Variants in PRKAR2A observed in about 807,000 individuals in gnomAD.
The protein encoded by PRKAR2A is cAMP-dependent protein kinase type II-alpha regulatory subunit.
In PRKAR2A, 29 loss-of-function variants were observed where a neutral mutation model predicts 51.9. That is an observed-to-expected ratio of 0.56 (90% CI 0.42 to 0.76). PRKAR2A has a LOEUF of 0.76. Ranked by LOEUF, PRKAR2A falls within the 30% of genes least tolerant of loss-of-function variation. The pLI, the probability that PRKAR2A is intolerant of heterozygous loss-of-function variation, is 0.00. For synonymous variants in PRKAR2A, 178 were observed against 186.2 expected, an observed-to-expected ratio of 0.96 and a Z score of 0.36; for missense variants, 445 against 512.1, an observed-to-expected ratio of 0.87 and a Z score of 1.26.
At chr3:48,793,888 T>C in intron 3 of PRKAR2A, 109 bp downstream of exon 3, 1 of 902,266 alleles carries the variant, frequency 1.1e-6, no homozygotes, top group Non-Finnish European at 1.8e-6. Flanking sequence ...ACTTCAGTGA[T>C]ATTTTAATTT....
At position 48,747,447 on chromosome 3, in the gene PRKAR2A, T is replaced by C. The variant is rs2081577608; in HGVS notation, c.*4138A>G. Reference sequence around the variant, plus strand: ...CACCTCTCACTGAATACGATATCACTGTGTGCAGAGAAAACGGGCAATCAG... The same window carrying C: ...CACCTCTCACTGAATACGATATCACCGTGTGCAGAGAAAACGGGCAATCAG... On this transcript the variant is annotated 3_prime_UTR_variant, in exon 11 of 11. Coordinates refer to ENST00000265563, the MANE Select transcript of PRKAR2A (RefSeq NM_004157.4). 1 of 152,164 alleles carries C rather than the reference T, an allele frequency of 6.6e-6. No individual in the cohort carries two copies. Among genetic ancestry groups the C allele is most frequent in the Non-Finnish European group, 1.5e-5 (1 of 68,022 alleles). 9.4% of individuals were successfully genotyped at this position (152,164 alleles called of 1,614,324 possible). A position where few individuals can be genotyped will look rare whatever the true frequency, so the allele number is the denominator to read the frequency against.
intron 9 of PRKAR2A, among the ~76,000 whole-genome samples, chr3:48,754,489 C>A (rs923293754): frequency 7.9e-5 from 12 of 152,010 alleles, no homozygotes; most frequent in Non-Finnish European, 1.5e-4. Context: ...ATCAAGCTAT[C>A]ACATGGGCGC....
chr3:48,765,513 A>G (rs1164604283), intron 6 of PRKAR2A, among the ~76,000 whole-genome samples, 164 bp from the exon 7 acceptor site: 1 of 152,176 alleles, frequency 6.6e-6, no homozygotes, highest in East Asian at 1.9e-4. Flanking sequence ...TAAAGGACCT[A>G]TAGCCTGAGC....
intron 1 of PRKAR2A, among the ~76,000 whole-genome samples, chr3:48,825,719 G>C (rs1256917164): frequency 6.6e-6 from 1 of 152,098 alleles, no homozygotes; most frequent in Admixed American, 6.6e-5. Context: ...AAGGACCAAA[G>C]GCCACATCCC....
chr3:48,792,166 G>T (rs1018895882), intron 3 of PRKAR2A, among the ~76,000 whole-genome samples: 2 of 151,548 alleles, frequency 1.3e-5, no homozygotes, highest in African/African-American at 4.8e-5. Flanking sequence ...TTTTGAGATG[G>T]AGTCTCGCTC....
chr3:48,787,290 A>T (rs2082310410), intron 4 of PRKAR2A, among the ~76,000 whole-genome samples: 1 of 152,010 alleles, frequency 6.6e-6, no homozygotes, highest in African/African-American at 2.4e-5. Context: ...GGTTCAAGCG[A>T]TTCTTCTGCC....
intron 4 of PRKAR2A, among the ~76,000 whole-genome samples, chr3:48,786,469 T>C (rs2082294762): frequency 6.7e-6 from 1 of 149,896 alleles, no homozygotes; most frequent in African/African-American, 2.4e-5. Context: ...ACCTATCCTA[T>C]GACTCAGTAA....
Position 48,847,262 on chromosome 3 carries a change from C to T in PRKAR2A, c.262+73G>A. ...GGTCGGCTTGGCTGCGGCGCGACACCTGGCTCCCTGCCACCCCTCTAGACC... is the reference window on the plus strand; with the variant it reads ...GGTCGGCTTGGCTGCGGCGCGACACTTGGCTCCCTGCCACCCCTCTAGACC... On this transcript the variant is annotated intron_variant, in intron 1 of 10. Coordinates refer to ENST00000265563, the MANE Select transcript of PRKAR2A (RefSeq NM_004157.4). This position sits in a 1 kb window ranked among gnomAD's most constrained non-coding sequence, Gnocchi z 4.4. 1 of 1,533,510 alleles carries T rather than the reference C, an allele frequency of 6.5e-7. No homozygotes were observed. The highest frequency in any genetic ancestry group is 2.5e-5 in the East Asian group (1 of 40,526). The allele number at this position is 1,533,510 out of a possible 1,614,324, so 95.0% of individuals were successfully genotyped here.
At chr3:48,769,621 C>T (rs1438646319) in intron 6 of PRKAR2A, among the ~76,000 whole-genome samples, 2 of 152,070 alleles carry the variant, frequency 1.3e-5, no homozygotes, top group African/African-American at 4.8e-5. Context: ...GGATTATAGG[C>T]ATGCGCCACC....
At chr3:48,758,814 A>G (rs2081816559) in intron 8 of PRKAR2A, among the ~76,000 whole-genome samples, 1 of 152,154 alleles carries the variant, frequency 6.6e-6, no homozygotes, top group Non-Finnish European at 1.5e-5. Context: ...AGTAGGTACT[A>G]TTACTATCCA....
intron 5 of PRKAR2A, among the ~76,000 whole-genome samples, chr3:48,782,405 C>T (rs185983285): frequency 9.9e-5 from 15 of 152,040 alleles, no homozygotes; most frequent in Non-Finnish European, 1.5e-5. Context: ...TAAAGCACAC[C>T]CTGCACTCCT....
At chr3:48,794,195 A>C in intron 2 of PRKAR2A, 146 bp from the exon 3 acceptor site, 1 of 621,836 alleles carries the variant, frequency 1.6e-6, no homozygotes, top group East Asian at 3.0e-5. Context: ...CTTGTTGCCC[A>C]GGCTGGAGTA....
At chr3:48,785,297 G>C (rs1219195852) in intron 4 of PRKAR2A, among the ~76,000 whole-genome samples, 1 of 141,856 alleles carries the variant, frequency 7.0e-6, no homozygotes, top group Non-Finnish European at 1.5e-5. Context: ...GTCTCGCTCT[G>C]TCGGCCAGGC....
At chr3:48,772,690 G>C (rs1340411722) in intron 6 of PRKAR2A, among the ~76,000 whole-genome samples, 1 of 152,028 alleles carries the variant, frequency 6.6e-6, no homozygotes, top group Non-Finnish European at 1.5e-5. Context: ...GCCCAGGCTG[G>C]AGTACAGTGG....
chr3:48,759,669 G>A (rs2081834672), intron 8 of PRKAR2A, among the ~76,000 whole-genome samples: 1 of 152,212 alleles, frequency 6.6e-6, no homozygotes, highest in Non-Finnish European at 1.5e-5. Flanking sequence ...TTACAGGCAT[G>A]AGCCACTGCG....
chr3:48,822,474 A>G (rs894234046), intron 1 of PRKAR2A, among the ~76,000 whole-genome samples: 1 of 152,220 alleles, frequency 6.6e-6, no homozygotes, highest in African/African-American at 2.4e-5. Context: ...AGAGAAGGAA[A>G]AAATGGCCTC....
At chr3:48,789,928 CTT>C (rs1470455244) in intron 4 of PRKAR2A, among the ~76,000 whole-genome samples, 1 of 150,038 alleles carries the variant, frequency 6.7e-6, no homozygotes, top group Non-Finnish European at 1.5e-5. Context: ...CCTCTCTTTT[CTT>C]TCTTTTCTCT....
chr3:48,820,764 G>A (rs897454386), intron 1 of PRKAR2A, among the ~76,000 whole-genome samples: 7 of 152,174 alleles, frequency 4.6e-5, no homozygotes, highest in Non-Finnish European at 1.0e-4. Context: ...CAGTTCAGCA[G>A]AGAAACAAGA....
At chr3:48,751,905 A>G (rs1043635396) in intron 10 of PRKAR2A, among the ~76,000 whole-genome samples, 187 bp from the exon 11 acceptor site, 7 of 152,244 alleles carry the variant, frequency 4.6e-5, no homozygotes, top group African/African-American at 1.7e-4. Flanking sequence ...TACAGAGTCC[A>G]GCAGCTCCTG....
Sources: allele counts gnomAD v4.1 joint callset (sites outside exome capture counted in the v4.1 genomes callset), GRCh38; gene constraint gnomAD v4.1.1; non-coding constraint Gnocchi (gnomAD v3.1); transcripts MANE v1.5; gene names NCBI Gene and HGNC (gene_info 2026-07-23, HGNC 2026-07-21).